Variants in LMO7 observed in about 807,000 individuals in gnomAD.
The protein encoded by LMO7 is LIM domain 7.
LMO7 carries 120 observed loss-of-function variants against 206.5 expected under a neutral mutation model. The ratio of observed to expected loss-of-function variants is 0.58; its 90% CI spans 0.50 to 0.68. LMO7 has a LOEUF of 0.68. Ranked by LOEUF, LMO7 falls within the 30% of genes least tolerant of loss-of-function variation. LMO7 has a pLI of 0.00. For missense variants in LMO7, 1,959 were observed against 1,957.9 expected (o/e 1.00, Z -0.01); for synonymous variants, 706 against 681.5 (o/e 1.04, Z -0.56).
At chr13:75,702,465 C>T (rs528818525) in intron 1 of LMO7, among the ~76,000 whole-genome samples, 25 of 152,276 alleles carry the variant, frequency 1.6e-4, no homozygotes, top group South Asian at 4.1e-4. Context: ...TGGAAGACTG[C>T]GAGTTGGCTT....
intron 22 of LMO7, 115 bp from the exon 23 acceptor site, chr13:75,840,994 A>C (rs1833855391): frequency 1.5e-6 from 1 of 655,424 alleles, no homozygotes; most frequent in Non-Finnish European, 2.6e-6. Context: ...AAAATAAATC[A>C]TGGTCTTTAA....
At chr13:75,696,899 C>G (rs1016203137) in intron 1 of LMO7, among the ~76,000 whole-genome samples, 1 of 152,164 alleles carries the variant, frequency 6.6e-6, no homozygotes, top group Admixed American at 6.5e-5. Context: ...TTCTCCAGAG[C>G]AGCCAGTTGT....
At chr13:75,803,743 G>A (rs1203853295) in intron 7 of LMO7, among the ~76,000 whole-genome samples, 2 of 151,996 alleles carry the variant, frequency 1.3e-5, no homozygotes, top group African/African-American at 2.4e-5. Flanking sequence ...AACTTTAGAA[G>A]TCATCCAGTC....
chr13:75,675,772 T>C (rs1235419820), intron 1 of LMO7, among the ~76,000 whole-genome samples: 2 of 152,208 alleles, frequency 1.3e-5, no homozygotes, highest in Admixed American at 6.5e-5. Context: ...ACTTATTTAG[T>C]TGAAGGAGTT....
intron 1 of LMO7, among the ~76,000 whole-genome samples, chr13:75,679,474 A>C (rs1231832687): frequency 6.6e-6 from 1 of 152,260 alleles, no homozygotes; most frequent in Non-Finnish European, 1.5e-5. Flanking sequence ...ATAATGCTGC[A>C]TAACATTTTT....
At chr13:75,681,210 G>A (rs1490867770) in intron 1 of LMO7, among the ~76,000 whole-genome samples, 5 of 152,030 alleles carry the variant, frequency 3.3e-5, no homozygotes, top group Non-Finnish European at 5.9e-5. Flanking sequence ...AATTGCTTTC[G>A]ATGTTTTTGC....
At chr13:75,824,715 G>T (rs1486801011) in intron 15 of LMO7, among the ~76,000 whole-genome samples, 5 of 151,944 alleles carry the variant, frequency 3.3e-5, no homozygotes, top group Non-Finnish European at 7.4e-5. Flanking sequence ...TGGTCCTTTG[G>T]CTTGGTTTAG....
At chr13:75,857,874 G>A (rs1407966) in intron 30 of LMO7, 47 bp from the exon 31 acceptor site, 118,483 of 1,411,838 alleles carry the variant, frequency 0.084, 5,335 homozygotes, top group East Asian at 0.14. Context: ...CAATATTCAC[G>A]TTTCTGAATC....
intron 26 of LMO7, among the ~76,000 whole-genome samples, chr13:75,845,935 G>T (rs1652923128): frequency 6.6e-6 from 1 of 152,178 alleles, no homozygotes; most frequent in South Asian, 2.1e-4. Context: ...TGCATATCAG[G>T]ATTTGCATAA....
chr13:75,709,393 A>G (rs893383148), intron 1 of LMO7, among the ~76,000 whole-genome samples: 3 of 152,056 alleles, frequency 2.0e-5, no homozygotes, highest in African/African-American at 7.3e-5. Context: ...ACAATGGTTG[A>G]ACTAGTTTAC....
intron 4 of LMO7, among the ~76,000 whole-genome samples, chr13:75,767,820 T>C (rs1312104862): frequency 1.3e-5 from 2 of 152,100 alleles, no homozygotes; most frequent in South Asian, 2.1e-4. Flanking sequence ...TTTAATCTTA[T>C]CATATCAGTT....
intron 1 of LMO7, among the ~76,000 whole-genome samples, chr13:75,691,202 A>G (rs2041446422): frequency 6.6e-6 from 1 of 152,206 alleles, no homozygotes; most frequent in Admixed American, 6.5e-5. Flanking sequence ...TAAAAAAATT[A>G]GTTTTGCTTC....
intron 2 of LMO7, among the ~76,000 whole-genome samples, chr13:75,725,281 T>C (rs2044375164): frequency 6.6e-6 from 1 of 152,152 alleles, no homozygotes; most frequent in South Asian, 2.1e-4. Context: ...TATGATACTC[T>C]TCCTCCTGCC....
intron 15 of LMO7, among the ~76,000 whole-genome samples, chr13:75,826,034 A>AAATT (rs1217100746): frequency 3.3e-5 from 5 of 151,694 alleles, no homozygotes; most frequent in African/African-American, 1.2e-4. Flanking sequence ...CTTTTTTTAA[A>AAATT]AATTAATTAA....
At chr13:75,851,311 A>G (rs2060489475) in intron 27 of LMO7, among the ~76,000 whole-genome samples, 1 of 152,228 alleles carries the variant, frequency 6.6e-6, no homozygotes, top group Non-Finnish European at 1.5e-5. Flanking sequence ...TTTGTTTAAG[A>G]CTGTTAAACA....
At chr13:75,810,325 C>T (rs1427060734) in intron 11 of LMO7, among the ~76,000 whole-genome samples, 1 of 152,174 alleles carries the variant, frequency 6.6e-6, no homozygotes, top group Non-Finnish European at 1.5e-5. Flanking sequence ...TTTACTTCAT[C>T]TATAAGAATC....
intron 1 of LMO7, among the ~76,000 whole-genome samples, chr13:75,701,345 C>T (rs917054022): frequency 7.2e-5 from 11 of 152,166 alleles, no homozygotes; most frequent in Non-Finnish European, 5.9e-5. Context: ...AAGGGCGTAA[C>T]TGTCAGTTTG....
At chr13:75,716,456 T>C (rs1450202578) in intron 2 of LMO7, among the ~76,000 whole-genome samples, 1 of 152,114 alleles carries the variant, frequency 6.6e-6, no homozygotes, top group African/African-American at 2.4e-5. Context: ...ATCTAGTGAG[T>C]TGGGATTTCA....
intron 1 of LMO7, among the ~76,000 whole-genome samples, chr13:75,652,164 T>G (rs1218609538): frequency 6.6e-6 from 1 of 152,128 alleles, no homozygotes; most frequent in Non-Finnish European, 1.5e-5. Flanking sequence ...GAATTGTCTC[T>G]GTTTCTTCCA....
Sources: allele counts gnomAD v4.1 joint callset (sites outside exome capture counted in the v4.1 genomes callset), GRCh38; gene constraint gnomAD v4.1.1; transcripts MANE v1.5; gene names NCBI Gene and HGNC (gene_info 2026-07-23, HGNC 2026-07-21).